IL21R: variants seen among roughly 807,000 people sequenced by gnomAD.
IL21R encodes the protein interleukin-21 receptor.
Under a neutral mutation model 41.3 loss-of-function variants are expected in IL21R, and 14 were observed. That is an observed-to-expected ratio of 0.34 (90% CI 0.22 to 0.53). The LOEUF (loss-of-function observed/expected upper bound fraction) is 0.53, where lower values mean the gene tolerates loss of function less well. Among genes scored for constraint, IL21R ranks in the 20% least tolerant of loss-of-function variants. The probability of loss-of-function intolerance (pLI) is 0.94; values close to 1 mark genes in which losing one functional copy is unlikely to be tolerated. For synonymous variants in IL21R, 286 were observed against 287.6 expected (o/e 0.99, Z 0.05); for missense variants, 588 against 681.6 (o/e 0.86, Z 1.53).
At chr16:27,411,198 TA>T (rs1194721222) in intron 1 of IL21R, among the ~76,000 whole-genome samples, 2 of 152,126 alleles carry the variant, frequency 1.3e-5, no homozygotes, top group Non-Finnish European at 2.9e-5. Context: ...TTTTTTTAAT[TA>T]AAAAAATTTT....
intron 1 of IL21R, among the ~76,000 whole-genome samples, chr16:27,419,244 C>A (rs901226689): frequency 6.6e-6 from 1 of 152,210 alleles, no homozygotes; most frequent in African/African-American, 2.4e-5. Flanking sequence ...AAGACACAGG[C>A]AGACACATTA....
chr16:27,412,563 T>A (rs1367986016), intron 1 of IL21R, among the ~76,000 whole-genome samples: 1 of 152,124 alleles, frequency 6.6e-6, no homozygotes, highest in African/African-American at 2.4e-5. Context: ...TTATATTAAA[T>A]TCAGTTTTCT....
chr16:27,435,036 G>T (rs1205866486), intron 3 of IL21R, among the ~76,000 whole-genome samples: 2 of 152,176 alleles, frequency 1.3e-5, no homozygotes, highest in Non-Finnish European at 2.9e-5. Flanking sequence ...GCCAAGGAAG[G>T]AGGATCACTT....
At chr16:27,427,940 C>A (rs1409011082) in intron 1 of IL21R, among the ~76,000 whole-genome samples, 1 of 152,142 alleles carries the variant, frequency 6.6e-6, no homozygotes, top group Non-Finnish European at 1.5e-5. Context: ...TAGGATGATG[C>A]TGGAGTTAAA....
At chr16:27,448,177 G>A (rs139105424) in intron 8 of IL21R, 17 of 220,036 alleles carry the variant, frequency 7.7e-5, no homozygotes, top group Non-Finnish European at 1.5e-4. Flanking sequence ...CACCTTGGCT[G>A]GGCACAGTGA....
intron 4 of IL21R, 134 bp downstream of exon 4, chr16:27,437,821 C>A: frequency 1.5e-6 from 1 of 685,052 alleles, no homozygotes; most frequent in African/African-American, 1.8e-5. Flanking sequence ...CACCACTACA[C>A]CCAGCTAATT....
intron 1 of IL21R, among the ~76,000 whole-genome samples, chr16:27,422,286 G>T (rs1336886929): frequency 6.6e-6 from 1 of 151,884 alleles, no homozygotes; most frequent in African/African-American, 2.4e-5. Flanking sequence ...TATCCTATTT[G>T]TGGTTTGTAG....
intron 1 of IL21R, among the ~76,000 whole-genome samples, chr16:27,414,015 T>C (rs2086858041): frequency 6.6e-6 from 1 of 152,034 alleles, no homozygotes; most frequent in Non-Finnish European, 1.5e-5. Context: ...CTTAAACACA[T>C]AGTTTTCTAA....
chr16:27,418,061 TTTTA>T (rs2086922325), intron 1 of IL21R, among the ~76,000 whole-genome samples: 1 of 144,880 alleles, frequency 6.9e-6, no homozygotes, highest in African/African-American at 2.5e-5. Context: ...TTTTATTTTA[TTTTA>T]TTTATGTTAT....
Position 27,403,215 on chromosome 16 carries a change from C to T in IL21R, c.-17+597C>T, listed in dbSNP as rs79854010. On this transcript the variant is annotated intron_variant, in intron 1 of 8. Transcript: ENST00000337929. ...TTCTCATGAAGCACGGGGAACGGGT[C>T]GGATGGTAAGAGGCCAACCCAGTTC... The T allele has an allele frequency of 9.9e-4, 1,324 of 1,338,112 alleles. 10 individuals are homozygous for T. In the African/African-American group the frequency reaches 0.017, roughly 17 times the overall value. The allele number at this position is 1,338,112 out of a possible 1,614,324, so 82.9% of individuals were successfully genotyped here.
chr16:27,426,944 C>G (rs1465918223), intron 1 of IL21R, among the ~76,000 whole-genome samples: 1 of 152,168 alleles, frequency 6.6e-6, no homozygotes, highest in Admixed American at 6.5e-5. Context: ...TCAGATATGG[C>G]TGGATCCAGG....
intron 1 of IL21R, chr16:27,427,274 T>C: frequency 3.0e-6 from 3 of 985,540 alleles, no homozygotes; most frequent in Non-Finnish European, 3.6e-6. Flanking sequence ...GCAGCTCAGA[T>C]AGAGGAGCTC....
chr16:27,423,418 T>C (rs1596576337), intron 1 of IL21R, among the ~76,000 whole-genome samples: 1 of 152,198 alleles, frequency 6.6e-6, no homozygotes, highest in East Asian at 1.9e-4. Context: ...TCAACACCCA[T>C]GGTAGCTTCA....
At chr16:27,407,880 G>T (rs1301211124) in intron 1 of IL21R, among the ~76,000 whole-genome samples, 1 of 85,144 alleles carries the variant, frequency 1.2e-5, no homozygotes, top group African/African-American at 6.8e-5. Flanking sequence ...AATACATAAG[G>T]CTCTCAATCC....
intron 2 of IL21R, 87 bp downstream of exon 2, chr16:27,430,207 A>G: frequency 2.6e-6 from 3 of 1,149,032 alleles, no homozygotes; most frequent in Non-Finnish European, 3.8e-6. Context: ...GGGCTCAAAA[A>G]CACGGCTAGA....
In IL21R at chr16:27,449,405, T is replaced by C. The variant is rs550346426; in HGVS notation, c.*122T>C. The C allele has an allele frequency of 2.1e-6, 2 of 953,382 alleles. No homozygotes were observed. Among genetic ancestry groups the C allele is most frequent in the Admixed American group, 2.8e-5 (1 of 36,004 alleles). The allele number at this position is 953,382 out of a possible 1,614,324, so 59.1% of individuals were successfully genotyped here. Reference sequence around the variant, plus strand: ...GGTCTCCTGGATGGGCCTTTGAGCCTGATGTTTACAGTGTCTGTGTGTGTG... The same window carrying C: ...GGTCTCCTGGATGGGCCTTTGAGCCCGATGTTTACAGTGTCTGTGTGTGTG... On this transcript the variant is annotated 3_prime_UTR_variant, in exon 9 of 9. Coordinates refer to ENST00000337929, the MANE Select transcript of IL21R (RefSeq NM_181078.3).
At chr16:27,427,035 TG>T (rs1281903285) in intron 1 of IL21R, among the ~76,000 whole-genome samples, 3 of 152,002 alleles carry the variant, frequency 2.0e-5, no homozygotes, top group Non-Finnish European at 4.4e-5. Flanking sequence ...CTCTAAGAGG[TG>T]ACAAAGATGG....
At chr16:27,445,389 T>C (rs1026798989) in intron 7 of IL21R, 113 bp downstream of exon 7, 2 of 729,904 alleles carry the variant, frequency 2.7e-6, no homozygotes, top group African/African-American at 3.5e-5. Context: ...ATGATGATGA[T>C]GGGATAATAA....
In IL21R at chr16:27,449,403, C is replaced by A; in HGVS notation, c.*120C>A. The A allele has an allele frequency of 2.0e-6, 2 of 979,334 alleles. No individual in the cohort carries two copies. The highest frequency in any genetic ancestry group is 1.6e-5 in the African/African-American group (1 of 60,900). 60.7% of individuals were successfully genotyped at this position (979,334 alleles called of 1,614,324 possible). ...TTGGTCTCCTGGATGGGCCTTTGAG[C>A]CTGATGTTTACAGTGTCTGTGTGTG... is the stretch of plus-strand genomic sequence containing the variant. On this transcript the variant is annotated 3_prime_UTR_variant, in exon 9 of 9. Coordinates refer to ENST00000337929, the MANE Select transcript of IL21R (RefSeq NM_181078.3).
Sources: allele counts gnomAD v4.1 joint callset (sites outside exome capture counted in the v4.1 genomes callset), GRCh38; gene constraint gnomAD v4.1.1; transcripts MANE v1.5; gene names NCBI Gene and HGNC (gene_info 2026-07-23, HGNC 2026-07-21).